The following ST6GALNAC1 variants were observed in gnomAD, a reference collection of about 807,000 sequenced individuals.
ST6GALNAC1 encodes ST6 N-acetylgalactosaminide alpha-2,6-sialyltransferase 1.
Under a neutral mutation model 56.8 loss-of-function variants are expected in ST6GALNAC1, and 45 were observed. The observed-to-expected ratio is 0.79, with a 90% CI of 0.62 to 1.02. The LOEUF (loss-of-function observed/expected upper bound fraction) is 1.02, where lower values mean the gene tolerates loss of function less well. Ranked by LOEUF, ST6GALNAC1 falls within the 50% of genes least tolerant of loss-of-function variation. The pLI, the probability that ST6GALNAC1 is intolerant of heterozygous loss-of-function variation, is 0.00. For synonymous variants in ST6GALNAC1, 295 were observed against 297.8 expected (o/e 0.99, Z 0.10); for missense variants, 743 against 754.8 (o/e 0.98, Z 0.18).
At chr17:76,622,205 C>T (rs1388021751), downstream of ST6GALNAC1, among the ~76,000 whole-genome samples, 5 of 147,476 alleles carry the variant, frequency 3.4e-5, no homozygotes, top group Non-Finnish European at 7.5e-5. Flanking sequence ...TATATTTTTG[C>T]CTATTTTTCT....
At position 76,625,640 on chromosome 17, in the gene ST6GALNAC1, G is replaced by A; in HGVS notation, c.1606-113C>T. On this transcript the variant is annotated intron_variant, in intron 8 of 8. Coordinates refer to ENST00000156626, the MANE Select transcript of ST6GALNAC1 (RefSeq NM_018414.5). Reference sequence around the variant, plus strand: ...GTTCTTTTCCCTGGCTCCGTCCCTAGGGGTCTGGGTGCAGGTCCCTGGATA... The same window carrying A: ...GTTCTTTTCCCTGGCTCCGTCCCTAAGGGTCTGGGTGCAGGTCCCTGGATA... 4 of 1,334,940 alleles carry A rather than the reference G, an allele frequency of 3.0e-6. No individual in the cohort carries two copies. The South Asian group carries it at 5.3e-5, about 18-fold the overall frequency. 82.7% of individuals were successfully genotyped at this position (1,334,940 alleles called of 1,614,324 possible). A position where few individuals can be genotyped will look rare whatever the true frequency, so the allele number is the denominator to read the frequency against.
At chr17:76,634,640 G>A (rs1276467501) in intron 1 of ST6GALNAC1, among the ~76,000 whole-genome samples, 4 of 106,958 alleles carry the variant, frequency 3.7e-5, no homozygotes, top group African/African-American at 1.1e-4. Flanking sequence ...TTGGGAGGCC[G>A]GGGGTGGGGG....
intron 1 of ST6GALNAC1, among the ~76,000 whole-genome samples, chr17:76,640,187 G>T (rs2076031679): frequency 6.6e-6 from 1 of 152,108 alleles, no homozygotes; most frequent in South Asian, 2.1e-4. Context: ...CAGGTAACTG[G>T]GCAGTTGAGG....
At chr17:76,637,140 G>A (rs1319702379) in intron 1 of ST6GALNAC1, among the ~76,000 whole-genome samples, 2 of 151,786 alleles carry the variant, frequency 1.3e-5, no homozygotes, top group Non-Finnish European at 1.5e-5. Flanking sequence ...GCGGAAGGCC[G>A]CAGGGCCCTC....
At chr17:76,619,097 G>A in the ST6GALNAC1 span, among the ~76,000 whole-genome samples, 11 of 152,272 alleles carry the variant, frequency 7.2e-5, no homozygotes, top group East Asian at 1.7e-3. Context: ...CAGTGGGAGC[G>A]TCTTCAGGCT....
Position 76,629,111 on chromosome 17 carries a change from C to T in ST6GALNAC1, c.732G>A (p.Thr244=), listed in dbSNP as rs1031896028. 3 of 1,608,938 alleles carry T rather than the reference C, an allele frequency of 1.9e-6. No individual in the cohort carries two copies. Among genetic ancestry groups the T allele is most frequent in the East Asian group, 2.2e-5 (1 of 44,758 alleles). The change falls in exon 2 of 9, where the codon ACG becomes ACA. Residue 244 remains threonine (T), a synonymous_variant. Coordinates refer to ENST00000156626, the MANE Select transcript of ST6GALNAC1 (RefSeq NM_018414.5). ...TPPPAPFQSP[T]TQRNQRLKAA... is the part of the protein sequence containing the mutation. ...CCTTCAGTCTTTGGTTTCTCTGCGT[C>T]GTGGGGCTCTGGAAAGGGGCAGGGG...
At chr17:76,617,927 C>T in the ST6GALNAC1 span, among the ~76,000 whole-genome samples, 1 of 152,176 alleles carries the variant, frequency 6.6e-6, no homozygotes, top group Non-Finnish European at 1.5e-5. Flanking sequence ...TGAAGCTCTG[C>T]ACCTGGGTTG....
rs866124833 is a variant in ST6GALNAC1, at chr17:76,637,241, C to T, written c.131+6267G>A. ...TATGACCCTGCCAAATCCCCCTCTC[C>T]GAGAAACACCCAAGAATGATCAATA... is the stretch of plus-strand genomic sequence containing the variant. On this transcript the variant is annotated intron_variant, in intron 1 of 8. Transcript: ENST00000156626. Among the ~76,000 whole-genome samples, 166 of 122,192 alleles carry T rather than the reference C, an allele frequency of 1.4e-3. 1 individual carries two copies. In the Middle Eastern group the frequency reaches 0.023, roughly 17 times the overall value. 80.2% of individuals were successfully genotyped at this position (122,192 alleles called of 152,430 possible). A position where few individuals can be genotyped will look rare whatever the true frequency, so the allele number is the denominator to read the frequency against.
downstream of ST6GALNAC1, among the ~76,000 whole-genome samples, chr17:76,620,496 T>C (rs1285037076): frequency 6.6e-6 from 1 of 152,098 alleles, no homozygotes; most frequent in Non-Finnish European, 1.5e-5. Flanking sequence ...CCTTATTCAA[T>C]CTCTTATCCC....
At chr17:76,625,786 C>G (rs750259799) in intron 8 of ST6GALNAC1, 33 bp downstream of exon 8, 2 of 1,478,996 alleles carry the variant, frequency 1.4e-6, no homozygotes, top group Non-Finnish European at 1.8e-6. Context: ...AGCTGTTTCT[C>G]CAGGTATTTC....
At chr17:76,641,616 GGTAAA>G (rs2076049216) in intron 1 of ST6GALNAC1, among the ~76,000 whole-genome samples, 1 of 152,166 alleles carries the variant, frequency 6.6e-6, no homozygotes, top group Admixed American at 6.5e-5. Context: ...GGTCCTGGGA[GGTAAA>G]GTAAACTTGC....
At chr17:76,625,651 G>T in intron 8 of ST6GALNAC1, 124 bp from the exon 9 acceptor site, 1 of 1,237,164 alleles carries the variant, frequency 8.1e-7, no homozygotes, top group Non-Finnish European at 1.1e-6. Flanking sequence ...GGGTCTGGGT[G>T]CAGGTCCCTG....
rs747033731 is a variant in ST6GALNAC1, at chr17:76,627,427, G to A, written c.988C>T (p.Leu330Phe). The change falls in exon 3 of 9, where the codon CTC becomes TTC. Residue 330 changes from leucine to phenylalanine, a missense_variant. Leu to Phe is a conservative substitution (Grantham distance 22). Coordinates refer to ENST00000156626, the MANE Select transcript of ST6GALNAC1 (RefSeq NM_018414.5). This position sits in a 1 kb window ranked among gnomAD's most constrained non-coding sequence, Gnocchi z 4.4. ...GTTAAGGACTCACAGGAGTAGTTGA[G>A]CTCCATGAAGCCAAAGGGTGGTGCA... ...HFAPPFGFMELNYSLVQKVVT... is the reference protein window; with the variant it reads ...HFAPPFGFMEFNYSLVQKVVT... 2.5e-6 allele frequency: 4 copies of A among 1,614,174 alleles called. No individual in the cohort carries two copies. The South Asian group carries it at 3.3e-5, about 13-fold the overall frequency.
Position 76,627,248 on chromosome 17 carries a change from G to A in ST6GALNAC1, c.1001-10C>T. 2.6e-6 allele frequency: 4 copies of A among 1,554,494 alleles called. No individual in the cohort carries two copies. Among genetic ancestry groups the A allele is most frequent in the Non-Finnish European group, 3.5e-6 (4 of 1,149,428 alleles). On this transcript the variant is annotated splice_polypyrimidine_tract_variant and intron_variant, in intron 3 of 8. Coordinates refer to ENST00000156626, the MANE Select transcript of ST6GALNAC1 (RefSeq NM_018414.5). This position sits in a 1 kb window ranked among gnomAD's most constrained non-coding sequence, Gnocchi z 4.4. Reference sequence around the variant, plus strand: ...ACGACCTTCTGCACCACTGGAACAAGAGTGGGGGTGCTCCATTCAGAGCCC... The same window carrying A: ...ACGACCTTCTGCACCACTGGAACAAAAGTGGGGGTGCTCCATTCAGAGCCC...
chr17:76,643,013 T>A (rs1396928720), intron 1 of ST6GALNAC1, among the ~76,000 whole-genome samples: 3 of 152,100 alleles, frequency 2.0e-5, no homozygotes, highest in African/African-American at 7.2e-5. Flanking sequence ...TTTGAAGGAT[T>A]AACTTGGCGT....
the ST6GALNAC1 span, among the ~76,000 whole-genome samples, chr17:76,618,615 T>TA: frequency 6.6e-6 from 1 of 151,564 alleles, no homozygotes; most frequent in African/African-American, 2.4e-5. Flanking sequence ...CCATCTCTAC[T>TA]AAAAAATACA....
At position 76,629,492 on chromosome 17, in the gene ST6GALNAC1, G is replaced by A. The variant is rs1230482683; in HGVS notation, c.351C>T (p.His117=). 1 of 1,613,908 alleles carries A rather than the reference G, an allele frequency of 6.2e-7. No homozygotes were observed. Among genetic ancestry groups the A allele is most frequent in the Admixed American group, 1.7e-5 (1 of 59,986 alleles). Residue 117 remains histidine, a synonymous_variant, in exon 2 of 9, where the codon CAC becomes CAT. Coordinates refer to ENST00000156626, the MANE Select transcript of ST6GALNAC1 (RefSeq NM_018414.5). The part of the protein sequence containing the change: ...APPEEQDKVP[H]TAQRAAWKSP... ...TCTTCCATGCTGCCCTCTGTGCTGT[G>A]TGGGGCACCTTGTCCTGCTCCTCCG...
At chr17:76,636,984 C>T (rs1479063986) in intron 1 of ST6GALNAC1, among the ~76,000 whole-genome samples, 3 of 152,116 alleles carry the variant, frequency 2.0e-5, no homozygotes, top group Non-Finnish European at 4.4e-5. Context: ...ACCCCGTGCT[C>T]TCTGAAACAT....
intron 1 of ST6GALNAC1, among the ~76,000 whole-genome samples, chr17:76,642,210 C>CTGCCTATCTATCTATCTA (rs2076057971): frequency 8.4e-6 from 1 of 119,450 alleles, no homozygotes; most frequent in Non-Finnish European, 1.7e-5. Context: ...CTCTCTCTCT[C>CTGCCTATCTATCTATCTA]TCTATCTGCC....
Sources: allele counts gnomAD v4.1 joint callset (sites outside exome capture counted in the v4.1 genomes callset), GRCh38; gene constraint gnomAD v4.1.1; non-coding constraint Gnocchi (gnomAD v3.1); transcripts MANE v1.5; gene names NCBI Gene and HGNC (gene_info 2026-07-23, HGNC 2026-07-21).